TRAM2: variants seen among roughly 807,000 people sequenced by gnomAD.
The protein encoded by TRAM2 is translocation associated membrane protein 2.
A neutral mutation model predicts 51.0 loss-of-function variants in TRAM2; 12 were observed. That is an observed-to-expected ratio of 0.24 (90% CI 0.15 to 0.38). The LOEUF (loss-of-function observed/expected upper bound fraction) is 0.38. Among genes scored for constraint, TRAM2 ranks in the 10% least tolerant of loss-of-function variants. The pLI is 1.00. For synonymous variants in TRAM2, 175 were observed against 179.4 expected (o/e 0.98, Z 0.20); for missense variants, 361 against 462.0 (o/e 0.78, Z 2.00).
intron 1 of TRAM2, among the ~76,000 whole-genome samples, chr6:52,559,643 G>A (rs769004398): frequency 2.0e-5 from 3 of 152,170 alleles, no homozygotes; most frequent in Non-Finnish European, 4.4e-5. Context: ...TATAAACTGT[G>A]AAGTGCTCTA....
Position 52,506,631 on chromosome 6 carries a change from C to T in TRAM2, c.627-495G>A, listed in dbSNP as rs117855813. On this transcript the variant is annotated intron_variant, in intron 7 of 10. Coordinates refer to ENST00000182527, the MANE Select transcript of TRAM2 (RefSeq NM_012288.4). The stretch of plus-strand genomic sequence containing the variant: ...TCTTCCCCGGTCCTCGCCACTGCTA[C>T]GGTGACAGTGCAGACTGGCTTCTTA... 3.4e-3 allele frequency among the ~76,000 whole-genome samples: 521 copies of T among 152,314 alleles called. 14 individuals carry two copies. The South Asian group carries it at 0.068, about 20-fold the overall frequency.
intron 8 of TRAM2, 115 bp downstream of exon 8, chr6:52,505,917 C>T: frequency 3.6e-6 from 5 of 1,391,440 alleles, no homozygotes; most frequent in Non-Finnish European, 5.0e-6. Flanking sequence ...GGGAGGGCAC[C>T]ACCTGCAGGT....
At chr6:52,538,890 T>C (rs1313277762) in intron 1 of TRAM2, among the ~76,000 whole-genome samples, 1 of 152,216 alleles carries the variant, frequency 6.6e-6, no homozygotes, top group Admixed American at 6.5e-5. Flanking sequence ...ACTGAAACCT[T>C]GTTCCTGGGA....
chr6:52,575,602 C>T (rs1485260445), intron 1 of TRAM2, among the ~76,000 whole-genome samples: 2 of 152,142 alleles, frequency 1.3e-5, no homozygotes, highest in African/African-American at 4.8e-5. Flanking sequence ...CAATTAGGGC[C>T]CTTGTCATTC....
intron 1 of TRAM2, among the ~76,000 whole-genome samples, chr6:52,567,806 C>T (rs1369833457): frequency 6.6e-6 from 1 of 152,152 alleles, no homozygotes; most frequent in Non-Finnish European, 1.5e-5. Flanking sequence ...TATTTCATGC[C>T]AACCCCAAAT....
At chr6:52,548,496 C>CTGAA (rs1298354880) in intron 1 of TRAM2, among the ~76,000 whole-genome samples, 5 of 152,346 alleles carry the variant, frequency 3.3e-5, no homozygotes, top group Admixed American at 6.5e-5. Flanking sequence ...CTACTATTCA[C>CTGAA]TGAACTTCTA....
At chr6:52,506,576 T>C (rs993215300) in intron 7 of TRAM2, among the ~76,000 whole-genome samples, 30 of 152,234 alleles carry the variant, frequency 2.0e-4, no homozygotes, top group Admixed American at 2.0e-3. Flanking sequence ...AAGCAGCAAG[T>C]GCTCCTTCTG....
At chr6:52,561,113 G>T (rs1581700927) in intron 1 of TRAM2, among the ~76,000 whole-genome samples, 1 of 152,272 alleles carries the variant, frequency 6.6e-6, no homozygotes, top group East Asian at 1.9e-4. Flanking sequence ...AACATGCTAC[G>T]TGAAAGAAGC....
At position 52,503,235 on chromosome 6, in the gene TRAM2, C is replaced by T. The variant is rs780364997; in HGVS notation, c.1075G>A (p.Gly359Arg). 4.3e-6 allele frequency: 7 copies of T among 1,614,006 alleles called. No homozygotes were observed. Among genetic ancestry groups the T allele is most frequent in the East Asian group, 2.2e-5 (1 of 44,852 alleles). The change falls in exon 11 of 11, where the codon GGA becomes AGA. Residue 359 changes from glycine (G) to arginine (R), a missense_variant. Coordinates refer to ENST00000182527, the MANE Select transcript of TRAM2 (RefSeq NM_012288.4). ...HENGVVKAEN[G>R]TSPRTKKLKS... ...AGTTTCTTAGTCCGTGGGGAGGTTC[C>T]GTTCTCTGCCTTCACCACTCCATTT...
chr6:52,502,690 C>G lies in TRAM2; in HGVS notation c.*507G>C, dbSNP rs552677389. On this transcript the variant is annotated 3_prime_UTR_variant, in exon 11 of 11. Transcript: ENST00000182527. ...GATTATGATCCGAGATGGCCGCTCT[C>G]TTCTTGCCCATCCACATGAGGACCA... 4 of 162,228 alleles carry G rather than the reference C, an allele frequency of 2.5e-5. No individual in the cohort carries two copies. The highest frequency in any genetic ancestry group is 1.7e-4 in the South Asian group (1 of 5,804). 10.0% of individuals were successfully genotyped at this position (162,228 alleles called of 1,614,324 possible). A position where few individuals can be genotyped will look rare whatever the true frequency, so the allele number is the denominator to read the frequency against.
chr6:52,525,747 G>A (rs981800719), intron 2 of TRAM2, among the ~76,000 whole-genome samples: 3 of 152,322 alleles, frequency 2.0e-5, no homozygotes, highest in East Asian at 1.9e-4. Flanking sequence ...GGTGGAGGTT[G>A]CAGTGAGCCG....
chr6:52,521,229 C>A (rs1766667071), intron 2 of TRAM2, among the ~76,000 whole-genome samples: 1 of 151,594 alleles, frequency 6.6e-6, no homozygotes, highest in Admixed American at 6.6e-5. Flanking sequence ...TACTTTTGAT[C>A]AGAGGAGGAA....
At chr6:52,545,960 C>T (rs1767191417) in intron 1 of TRAM2, among the ~76,000 whole-genome samples, 1 of 152,044 alleles carries the variant, frequency 6.6e-6, no homozygotes, top group South Asian at 2.1e-4. Flanking sequence ...AATGTGCAGC[C>T]CAGACAGATA....
intron 1 of TRAM2, among the ~76,000 whole-genome samples, chr6:52,566,671 C>T (rs1316775554): frequency 1.3e-5 from 2 of 152,228 alleles, no homozygotes; most frequent in African/African-American, 4.8e-5. Flanking sequence ...ACCTCCAGAG[C>T]ATCCTATGAC....
chr6:52,533,481 G>A (rs778014274), intron 2 of TRAM2, among the ~76,000 whole-genome samples: 2 of 152,208 alleles, frequency 1.3e-5, no homozygotes, highest in Non-Finnish European at 2.9e-5. Flanking sequence ...CTGGCCACAT[G>A]TTTCCTGGCC....
chr6:52,509,216 CA>C (rs1766404328), intron 5 of TRAM2, among the ~76,000 whole-genome samples: 1 of 152,158 alleles, frequency 6.6e-6, no homozygotes, highest in African/African-American at 2.4e-5. Context: ...CTGTGGATGT[CA>C]GGGGGTCGCC....
intron 2 of TRAM2, among the ~76,000 whole-genome samples, chr6:52,519,985 G>A (rs557997232): frequency 1.3e-5 from 2 of 152,296 alleles, no homozygotes; most frequent in East Asian, 3.9e-4. Context: ...GGTTACCAAG[G>A]GCTGGGAGTG....
rs1444112708 is a variant in TRAM2 at position 52,498,180 on chromosome 6, T to C, written c.*5017A>G. On this transcript the variant is annotated 3_prime_UTR_variant, in exon 11 of 11. Coordinates refer to ENST00000182527, the MANE Select transcript of TRAM2 (RefSeq NM_012288.4). ...GGATGACGACTCCCCCTCCCATGGG[T>C]CCCATTTCTCCCCCAGTTGCAGGTG... is the stretch of plus-strand genomic sequence containing the variant. 3 of 152,456 alleles carry C rather than the reference T, an allele frequency of 2.0e-5. No individual in the cohort carries two copies. Among genetic ancestry groups the C allele is most frequent in the Non-Finnish European group, 4.4e-5 (3 of 68,008 alleles). 9.4% of individuals were successfully genotyped at this position (152,456 alleles called of 1,614,324 possible).
chr6:52,556,960 G>A lies in TRAM2; in HGVS notation c.120+19836C>T, dbSNP rs551505475. Among the ~76,000 whole-genome samples the A allele has an allele frequency of 2.7e-3, 384 of 144,800 alleles. 2 individuals carry two copies. The highest frequency in any genetic ancestry group is 8.9e-3 in the African/African-American group (349 of 39,128). 95.0% of individuals were successfully genotyped at this position (144,800 alleles called of 152,430 possible). On this transcript the variant is annotated intron_variant, in intron 1 of 10. Coordinates refer to ENST00000182527, the MANE Select transcript of TRAM2 (RefSeq NM_012288.4). ...AAAAAAAAAATCATTTTGGGAGGCCGAGGTGGGCAGATCACCTGAGGTCAG... is the reference window on the plus strand; with the variant it reads ...AAAAAAAAAATCATTTTGGGAGGCCAAGGTGGGCAGATCACCTGAGGTCAG...
Sources: allele counts gnomAD v4.1 joint callset (sites outside exome capture counted in the v4.1 genomes callset), GRCh38; gene constraint gnomAD v4.1.1; transcripts MANE v1.5; gene names NCBI Gene and HGNC (gene_info 2026-07-23, HGNC 2026-07-21).